The following ANGPT1 variants were observed in gnomAD, a reference collection of about 807,000 sequenced individuals.
The protein encoded by ANGPT1 is angiopoietin 1.
In ANGPT1, 17 loss-of-function variants were observed where a neutral mutation model predicts 62.2. The ratio of observed to expected loss-of-function variants is 0.27; its 90% CI spans 0.19 to 0.41. The LOEUF is 0.41. Ranked by LOEUF, ANGPT1 falls within the 10% of genes least tolerant of loss-of-function variation. The pLI is 1.00. For synonymous variants in ANGPT1, 199 were observed against 198.9 expected (o/e 1.00, Z 0.00); for missense variants, 478 against 594.9 (o/e 0.80, Z 2.04).
chr8:107,322,190 A>G, intron 3 of ANGPT1, 62 bp from the exon 4 acceptor site: 1 of 1,184,504 alleles, frequency 8.4e-7, no homozygotes, highest in South Asian at 1.5e-5. Flanking sequence ...AACCCTTATA[A>G]TTCAATTGGT....
At chr8:107,262,790 T>C (rs1490790644) in intron 8 of ANGPT1, among the ~76,000 whole-genome samples, 1 of 152,190 alleles carries the variant, frequency 6.6e-6, no homozygotes, top group Non-Finnish European at 1.5e-5. Context: ...TACAATTTTG[T>C]TTGTTGTCAA....
chr8:107,334,290 A>G (rs1815508397), intron 3 of ANGPT1, among the ~76,000 whole-genome samples: 1 of 152,190 alleles, frequency 6.6e-6, no homozygotes, highest in South Asian at 2.1e-4. Flanking sequence ...TGGTAACATA[A>G]CTACTGAGAG....
At chr8:107,416,537 G>A (rs563023739) in intron 1 of ANGPT1, among the ~76,000 whole-genome samples, 1 of 152,266 alleles carries the variant, frequency 6.6e-6, no homozygotes, top group Admixed American at 6.5e-5. Flanking sequence ...CTGTCCAGAA[G>A]TTCTCCGTAC....
At position 107,260,451 on chromosome 8, in the gene ANGPT1, C is replaced by T. The variant is rs915204052; in HGVS notation, c.1336+3770G>A. 2.0e-5 allele frequency among the ~76,000 whole-genome samples: 3 copies of T among 149,010 alleles called. No homozygotes were observed. In the South Asian group the frequency reaches 6.5e-4, roughly 32 times the overall value. On this transcript the variant is annotated intron_variant, in intron 8 of 8. Coordinates refer to ENST00000517746, the MANE Select transcript of ANGPT1 (RefSeq NM_001146.5). ...CTTAAGAGAGGGTATTTTAAATAGG[C>T]AACAGGCTCAAATACTAAGTTTAAA...
At chr8:107,272,171 T>C (rs1215995936) in intron 7 of ANGPT1, among the ~76,000 whole-genome samples, 1 of 152,060 alleles carries the variant, frequency 6.6e-6, no homozygotes, top group African/African-American at 2.4e-5. Flanking sequence ...TTGGAATATG[T>C]GTAATGGAAG....
intron 1 of ANGPT1, among the ~76,000 whole-genome samples, chr8:107,349,881 G>A (rs775235064): frequency 6.6e-6 from 1 of 152,066 alleles, no homozygotes; most frequent in Non-Finnish European, 1.5e-5. Context: ...ATCTTTAAGG[G>A]CATGTACTGG....
chr8:107,382,011 T>C (rs761183925), intron 1 of ANGPT1, among the ~76,000 whole-genome samples: 3 of 152,198 alleles, frequency 2.0e-5, no homozygotes, highest in Non-Finnish European at 2.9e-5. Context: ...GCTTGATTTA[T>C]ATCAGGAATT....
chr8:107,349,323 C>A (rs552248204), intron 1 of ANGPT1, among the ~76,000 whole-genome samples: 7 of 152,152 alleles, frequency 4.6e-5, no homozygotes, highest in African/African-American at 1.7e-4. Context: ...AGCAGCCAAC[C>A]TTTTTTCCCC....
chr8:107,299,791 T>C (rs1389602956), intron 5 of ANGPT1, among the ~76,000 whole-genome samples: 1 of 111,244 alleles, frequency 9.0e-6, no homozygotes, highest in Non-Finnish European at 1.8e-5. Flanking sequence ...TATCTAGATA[T>C]GTAGTTATAT....
At chr8:107,448,037 T>C (rs1352464916) in intron 1 of ANGPT1, among the ~76,000 whole-genome samples, 1 of 152,204 alleles carries the variant, frequency 6.6e-6, no homozygotes, top group Non-Finnish European at 1.5e-5. Flanking sequence ...AGAGGTGGAC[T>C]TGCTGTTTGT....
chr8:107,483,271 G>A (rs1456573273), intron 1 of ANGPT1, among the ~76,000 whole-genome samples: 1 of 152,092 alleles, frequency 6.6e-6, no homozygotes, highest in Admixed American at 6.5e-5. Context: ...AAACATAACA[G>A]TCATAAAATA....
At chr8:107,490,009 C>T (rs542189980) in intron 1 of ANGPT1, among the ~76,000 whole-genome samples, 3 of 151,544 alleles carry the variant, frequency 2.0e-5, no homozygotes, top group East Asian at 3.9e-4. Flanking sequence ...CACACAGAGA[C>T]AAGGCTGTGG....
intron 1 of ANGPT1, among the ~76,000 whole-genome samples, chr8:107,349,438 A>G (rs1254406907): frequency 6.6e-6 from 1 of 152,140 alleles, no homozygotes. Flanking sequence ...AAACGTTAAG[A>G]GAATATTCCT....
chr8:107,375,257 T>C lies in ANGPT1; in HGVS notation c.298-28160A>G, dbSNP rs73311641. Among the ~76,000 whole-genome samples, 1,350 of 152,284 alleles carry C rather than the reference T, an allele frequency of 8.9e-3. 17 individuals carry two copies. Among genetic ancestry groups the C allele is most frequent in the African/African-American group, 0.031 (1,269 of 41,556 alleles). ...AAATAAGAACAGAAATTGCCAGTTA[T>C]AGAAATAAGGTTGTTGAAAACCCTT... is the stretch of plus-strand genomic sequence containing the variant. On this transcript the variant is annotated intron_variant, in intron 1 of 8. Transcript: ENST00000517746.
intron 1 of ANGPT1, among the ~76,000 whole-genome samples, chr8:107,368,085 G>A (rs898036719): frequency 8.5e-5 from 13 of 152,156 alleles, no homozygotes; most frequent in African/African-American, 3.1e-4. Flanking sequence ...AGGAATCATT[G>A]TCTATGGCAG....
At chr8:107,300,045 A>G in intron 5 of ANGPT1, among the ~76,000 whole-genome samples, 1 of 143,036 alleles carries the variant, frequency 7.0e-6, no homozygotes, top group South Asian at 2.2e-4. Flanking sequence ...ATATAACTAT[A>G]TATATAGTTA....
At chr8:107,312,885 C>T (rs905402675) in intron 4 of ANGPT1, among the ~76,000 whole-genome samples, 1 of 152,054 alleles carries the variant, frequency 6.6e-6, no homozygotes, top group African/African-American at 2.4e-5. Context: ...ATGGTATACA[C>T]CTGCTCCCAG....
At chr8:107,458,412 A>C (rs1811979320) in intron 1 of ANGPT1, among the ~76,000 whole-genome samples, 1 of 152,184 alleles carries the variant, frequency 6.6e-6, no homozygotes, top group African/African-American at 2.4e-5. Flanking sequence ...AGACAGTCTG[A>C]ATTATTTGAC....
intron 1 of ANGPT1, among the ~76,000 whole-genome samples, chr8:107,450,984 G>T (rs1811763325): frequency 6.6e-6 from 1 of 151,632 alleles, no homozygotes; most frequent in Non-Finnish European, 1.5e-5. Context: ...AGAACGTATT[G>T]TAAATGCACC....
Sources: allele counts gnomAD v4.1 joint callset (sites outside exome capture counted in the v4.1 genomes callset), GRCh38; gene constraint gnomAD v4.1.1; transcripts MANE v1.5; gene names NCBI Gene and HGNC (gene_info 2026-07-23, HGNC 2026-07-21).